COL26A1: variants seen among roughly 807,000 people sequenced by gnomAD.
COL26A1 encodes the protein collagen type XXVI alpha 1 chain.
Under a neutral mutation model 59.3 loss-of-function variants are expected in COL26A1, and 41 were observed. The observed-to-expected ratio is 0.69, with a 90% CI of 0.54 to 0.90. The LOEUF (loss-of-function observed/expected upper bound fraction) is 0.90, where lower values mean the gene tolerates loss of function less well. Among genes scored for constraint, COL26A1 ranks in the 40% least tolerant of loss-of-function variants. The pLI is 0.00. For synonymous variants in COL26A1, 266 were observed against 256.0 expected (o/e 1.04, Z -0.37); for missense variants, 612 against 602.3 (o/e 1.02, Z -0.17).
chr7:101,383,923 G>T (rs7795427), intron 1 of COL26A1, among the ~76,000 whole-genome samples: 17,427 of 152,194 alleles, frequency 0.11, 1,104 homozygotes, highest in Non-Finnish European at 0.15. Flanking sequence ...GCCCACCTCG[G>T]CCTCCCAAAG....
At chr7:101,463,869 TTTTCTTTCTTTC>T (rs566945352) in intron 3 of COL26A1, among the ~76,000 whole-genome samples, 48 of 91,730 alleles carry the variant, frequency 5.2e-4, no homozygotes, top group South Asian at 3.2e-3. Flanking sequence ...CTCTTTTTTC[TTTTCTTTCTTTC>T]TTTCTTTCTT....
intron 3 of COL26A1, 41 bp from the exon 4 acceptor site, chr7:101,533,041 G>C: frequency 6.7e-7 from 1 of 1,501,666 alleles, no homozygotes; most frequent in Non-Finnish European, 9.1e-7. Flanking sequence ...TCTTCCTAGG[G>C]TCTACACTCT....
rs544073833 is a variant in COL26A1 at position 101,504,113 on chromosome 7, TC to T, written c.386-28968del. On this transcript the variant is annotated intron_variant, in intron 3 of 12. Transcript: ENST00000313669. ...CTGAGCCCCAACACCTCTTTTTTTT[TC>T]TTTGGGGACACAGTCTTACTCCATC... Among the ~76,000 whole-genome samples the T allele has an allele frequency of 4.1e-3, 630 of 152,136 alleles. 4 individuals are homozygous for T. Among genetic ancestry groups the T allele is most frequent in the Middle Eastern group, 6.8e-3 (2 of 294 alleles).
chr7:101,504,328 T>C (rs1441159194), intron 3 of COL26A1, among the ~76,000 whole-genome samples: 3 of 152,090 alleles, frequency 2.0e-5, no homozygotes, highest in Non-Finnish European at 1.5e-5. Flanking sequence ...CTCAAACTCC[T>C]GACCTCAAAT....
chr7:101,514,541 AGCTGG>A (rs1794989254), intron 3 of COL26A1, among the ~76,000 whole-genome samples: 1 of 152,044 alleles, frequency 6.6e-6, no homozygotes, highest in Non-Finnish European at 1.5e-5. Context: ...TATTCCTTCC[AGCTGG>A]GGCTGGCCGG....
intron 5 of COL26A1, among the ~76,000 whole-genome samples, chr7:101,541,394 G>A (rs1022737266): frequency 1.3e-5 from 2 of 152,038 alleles, no homozygotes; most frequent in Non-Finnish European, 2.9e-5. Context: ...ACTGAGGCTG[G>A]AGCACAGTAG....
chr7:101,513,927 T>C (rs1584477029), intron 3 of COL26A1, among the ~76,000 whole-genome samples: 2 of 151,948 alleles, frequency 1.3e-5, no homozygotes, highest in Non-Finnish European at 1.5e-5. Context: ...AACAACCTAA[T>C]AGGAAAACGG....
chr7:101,502,403 C>CA (rs1189026210), intron 3 of COL26A1, among the ~76,000 whole-genome samples: 1 of 152,200 alleles, frequency 6.6e-6, no homozygotes, highest in Non-Finnish European at 1.5e-5. Flanking sequence ...GAAAAATACA[C>CA]ACGGAATATA....
At chr7:101,477,654 C>T (rs2130484024) in intron 3 of COL26A1, among the ~76,000 whole-genome samples, 1 of 152,294 alleles carries the variant, frequency 6.6e-6, no homozygotes, top group South Asian at 2.1e-4. Flanking sequence ...TCATGAGATT[C>T]CCCCATTTTT....
intron 4 of COL26A1, among the ~76,000 whole-genome samples, chr7:101,534,726 A>G (rs1167866126): frequency 6.6e-6 from 1 of 152,018 alleles, no homozygotes; most frequent in Non-Finnish European, 1.5e-5. Context: ...ACAACTCCAC[A>G]TTACCCTTGG....
rs3073374 is a variant in COL26A1 at position 101,510,027 on chromosome 7, C to CTTTTTTTTTTTTTTTTTTTTTTT, written c.386-23041_386-23040insTTTTTTTTTTTTTTTTTTTTTTT. On this transcript the variant is annotated intron_variant, in intron 3 of 12. Coordinates refer to ENST00000313669, the MANE Select transcript of COL26A1 (RefSeq NM_001278563.3). ...ATAGGCATAAGCCATCGCGCCCAGT[C>CTTTTTTTTTTTTTTTTTTTTTTT]TTTTTTTTTTTTTTAAGAGGGTCTC... Among the ~76,000 whole-genome samples, 44 of 122,298 alleles carry CTTTTTTTTTTTTTTTTTTTTTTT rather than the reference C, an allele frequency of 3.6e-4. 5 individuals are homozygous for CTTTTTTTTTTTTTTTTTTTTTTT. Among genetic ancestry groups the CTTTTTTTTTTTTTTTTTTTTTTT allele is most frequent in the African/African-American group, 1.7e-3 (41 of 24,656 alleles). The allele number at this position is 122,298 out of a possible 152,430, so 80.2% of individuals were successfully genotyped here. A position where few individuals can be genotyped will look rare whatever the true frequency, so the allele number is the denominator to read the frequency against.
chr7:101,387,764 A>ATTTTTTT (rs1449600744), intron 1 of COL26A1, among the ~76,000 whole-genome samples: 4 of 37,816 alleles, frequency 1.1e-4, no homozygotes, highest in Non-Finnish European at 1.8e-4. Flanking sequence ...TTATATATAT[A>ATTTTTTT]TATATATATA....
intron 11 of COL26A1, 102 bp from the exon 12 acceptor site, chr7:101,555,685 G>A (rs1795957654): frequency 2.7e-6 from 2 of 742,736 alleles, no homozygotes; most frequent in Non-Finnish European, 2.2e-6. Flanking sequence ...GGAAGAGGCA[G>A]GGGTGGGGGG....
chr7:101,553,252 C>T, intron 10 of COL26A1, 74 bp from the exon 11 acceptor site: 12 of 1,383,614 alleles, frequency 8.7e-6, no homozygotes, highest in Non-Finnish European at 1.2e-5. Flanking sequence ...CCTGCAGGCC[C>T]CCAGGGAACT....
At chr7:101,477,866 G>A (rs980696792) in intron 3 of COL26A1, among the ~76,000 whole-genome samples, 3 of 152,268 alleles carry the variant, frequency 2.0e-5, no homozygotes, top group Middle Eastern at 3.4e-3. Flanking sequence ...CTGACCTTTC[G>A]TGGGTCAGTA....
At chr7:101,369,155 C>G (rs1791124021) in intron 1 of COL26A1, among the ~76,000 whole-genome samples, 1 of 152,030 alleles carries the variant, frequency 6.6e-6, no homozygotes, top group African/African-American at 2.4e-5. Context: ...GCCTGTCATC[C>G]CAGCACTTTG....
chr7:101,423,746 AG>A (rs1292410407), intron 2 of COL26A1, among the ~76,000 whole-genome samples: 1 of 151,886 alleles, frequency 6.6e-6, no homozygotes, highest in African/African-American at 2.4e-5. Context: ...AAAAAAAAGA[AG>A]GACCGGGGTC....
chr7:101,468,721 G>A (rs1201853562), intron 3 of COL26A1, among the ~76,000 whole-genome samples: 1 of 152,228 alleles, frequency 6.6e-6, no homozygotes, highest in African/African-American at 2.4e-5. Flanking sequence ...TTGAACATGT[G>A]CTGGGGAAAC....
rs577795934 is a variant in COL26A1, at chr7:101,413,211, G to A, written c.159-6766G>A. Among the ~76,000 whole-genome samples, 13 of 152,176 alleles carry A rather than the reference G, an allele frequency of 8.5e-5. No homozygotes were observed. The East Asian group carries it at 1.9e-3, about 23-fold the overall frequency. On this transcript the variant is annotated intron_variant, in intron 1 of 12. Transcript: ENST00000313669. ...CTCCTCCCCCTAGGTGAAGTGGGCC[G>A]CCTCTTGCAAGAAAAAGAGACTTGT...
Sources: allele counts gnomAD v4.1 joint callset (sites outside exome capture counted in the v4.1 genomes callset), GRCh38; gene constraint gnomAD v4.1.1; transcripts MANE v1.5; gene names NCBI Gene and HGNC (gene_info 2026-07-23, HGNC 2026-07-21).